Variants in CD247 observed in about 807,000 individuals in gnomAD.
CD247 encodes the protein T-cell surface glycoprotein CD3 zeta chain.
In CD247, 13 loss-of-function variants were observed where a neutral mutation model predicts 30.0. The observed-to-expected ratio is 0.43, with a 90% CI of 0.28 to 0.69. The LOEUF is 0.69. Among genes scored for constraint, CD247 ranks in the 30% least tolerant of loss-of-function variants. The pLI, the probability that CD247 is intolerant of heterozygous loss-of-function variation, is 0.16. For synonymous variants in CD247, 72 were observed against 80.0 expected, an observed-to-expected ratio of 0.90 and a Z score of 0.53; for missense variants, 193 against 212.6, an observed-to-expected ratio of 0.91 and a Z score of 0.57.
At chr1:167,446,302 T>C (rs185714076) in intron 1 of CD247, among the ~76,000 whole-genome samples, 2 of 152,176 alleles carry the variant, frequency 1.3e-5, no homozygotes, top group African/African-American at 4.8e-5. Context: ...ATAGTTTCAT[T>C]TGCACCTTTC....
intron 1 of CD247, among the ~76,000 whole-genome samples, chr1:167,517,875 G>A (rs35812352): frequency 0.011 from 1,675 of 152,208 alleles, 36 homozygotes; most frequent in African/African-American, 0.038. Context: ...CTCCTCCTTG[G>A]TTACCCCACT....
chr1:167,438,554 G>GT lies in CD247; in HGVS notation c.300+15dup. 1.4e-5 allele frequency: 23 copies of GT among 1,606,106 alleles called. No individual in the cohort carries two copies. The highest frequency in any genetic ancestry group is 1.9e-5 in the Non-Finnish European group (22 of 1,172,644). ...CACACATGCAGGAACACACAGGAAGGTAGAGGAACCCCTACCGGCTTTCCC... is the reference window on the plus strand; with the variant it reads ...CACACATGCAGGAACACACAGGAAGGTTAGAGGAACCCCTACCGGCTTTCCC... On this transcript the variant is annotated intron_variant, in intron 4 of 7. Coordinates refer to ENST00000362089, the MANE Select transcript of CD247 (RefSeq NM_198053.3).
chr1:167,446,250 C>A (rs556653730), intron 1 of CD247, among the ~76,000 whole-genome samples: 1 of 152,266 alleles, frequency 6.6e-6, no homozygotes, highest in South Asian at 2.1e-4. Flanking sequence ...CACTTCAAGT[C>A]CGCCCCCCAC....
At chr1:167,437,176 G>A (rs565171431) in intron 4 of CD247, among the ~76,000 whole-genome samples, 1 of 152,256 alleles carries the variant, frequency 6.6e-6, no homozygotes, top group South Asian at 2.1e-4. Context: ...GCTGAGGCGG[G>A]CAGATCACTT....
At chr1:167,461,998 T>C (rs1011433572) in intron 1 of CD247, among the ~76,000 whole-genome samples, 3 of 152,100 alleles carry the variant, frequency 2.0e-5, no homozygotes, top group African/African-American at 7.2e-5. Context: ...GTGTGCCTGA[T>C]AGGATGCTGG....
At chr1:167,454,929 A>G (rs911558304) in intron 1 of CD247, among the ~76,000 whole-genome samples, 5 of 152,206 alleles carry the variant, frequency 3.3e-5, no homozygotes, top group Non-Finnish European at 7.3e-5. Context: ...GCGCCTCCTC[A>G]GAGTCCCTGT....
At chr1:167,505,226 G>A (rs565662680) in intron 1 of CD247, among the ~76,000 whole-genome samples, 9 of 152,132 alleles carry the variant, frequency 5.9e-5, no homozygotes, top group Non-Finnish European at 1.2e-4. Context: ...GAACTCCTGG[G>A]CTCAAGCAAT....
At chr1:167,480,993 T>G (rs755812630) in intron 1 of CD247, among the ~76,000 whole-genome samples, 7 of 152,200 alleles carry the variant, frequency 4.6e-5, no homozygotes, top group Non-Finnish European at 8.8e-5. Flanking sequence ...CATTATCCAC[T>G]AAGAGGTGTT....
intron 1 of CD247, among the ~76,000 whole-genome samples, chr1:167,492,100 C>T (rs1654477791): frequency 6.6e-6 from 1 of 152,140 alleles, no homozygotes; most frequent in Non-Finnish European, 1.5e-5. Context: ...CAACTGTGCG[C>T]TTAAACATGG....
intron 4 of CD247, among the ~76,000 whole-genome samples, chr1:167,438,094 C>G (rs1056325653): frequency 1.3e-5 from 2 of 152,116 alleles, no homozygotes; most frequent in African/African-American, 4.8e-5. Context: ...CCCTACCCTA[C>G]TGTGGTGTCA....
chr1:167,517,884 C>G (rs1655683418), intron 1 of CD247, among the ~76,000 whole-genome samples: 2 of 152,220 alleles, frequency 1.3e-5, no homozygotes. Flanking sequence ...GGTTACCCCA[C>G]TTACTCCCGG....
intron 1 of CD247, among the ~76,000 whole-genome samples, chr1:167,449,149 C>CTTTTTTCTTTTTCTTTTTT (rs1553229954): frequency 3.0e-5 from 2 of 66,420 alleles, no homozygotes; most frequent in African/African-American, 1.5e-4. Context: ...TTTTTCTTTT[C>CTTTTTTCTTTTTCTTTTTT]TTTTTTTTTT....
chr1:167,444,021 T>C (rs994229105), intron 1 of CD247, among the ~76,000 whole-genome samples: 3 of 152,226 alleles, frequency 2.0e-5, no homozygotes, highest in African/African-American at 4.8e-5. Context: ...GAACTCTGGA[T>C]TGCGTGCAGG....
At chr1:167,510,291 A>G (rs1270208529) in intron 1 of CD247, among the ~76,000 whole-genome samples, 2 of 152,212 alleles carry the variant, frequency 1.3e-5, no homozygotes, top group Non-Finnish European at 2.9e-5. Context: ...ACACATGCAC[A>G]CCTGCACATG....
In CD247 at chr1:167,431,334, C is replaced by A. The variant is rs1651255633; in HGVS notation, c.*347G>T. ...GGGCATGTGCTAGCATCTGCGCTTTCTCTGGGGACTTTACAAAACAGACTC... is the reference window on the plus strand; with the variant it reads ...GGGCATGTGCTAGCATCTGCGCTTTATCTGGGGACTTTACAAAACAGACTC... On this transcript the variant is annotated 3_prime_UTR_variant, in exon 8 of 8. Coordinates refer to ENST00000362089, the MANE Select transcript of CD247 (RefSeq NM_198053.3). The A allele has an allele frequency of 3.4e-6, 2 of 592,274 alleles. No homozygotes were observed. Among genetic ancestry groups the A allele is most frequent in the Non-Finnish European group, 6.0e-6 (2 of 333,462 alleles). 36.7% of individuals were successfully genotyped at this position (592,274 alleles called of 1,614,324 possible). A position where few individuals can be genotyped will look rare whatever the true frequency, so the allele number is the denominator to read the frequency against.
In CD247 at chr1:167,434,254, G is replaced by T. The variant is rs1051493040; in HGVS notation, c.337-178C>A. 3 of 676,272 alleles carry T rather than the reference G, an allele frequency of 4.4e-6. No homozygotes were observed. In the African/African-American group the frequency reaches 5.3e-5, roughly 12 times the overall value. The allele number at this position is 676,272 out of a possible 1,614,324, so 41.9% of individuals were successfully genotyped here. A position where few individuals can be genotyped will look rare whatever the true frequency, so the allele number is the denominator to read the frequency against. ...ACTTCTCTGCCCACAACCAGCTCCA[G>T]CCCACCCCCCTCATCCTCAGCCCTT... On this transcript the variant is annotated intron_variant, in intron 5 of 7. Transcript: ENST00000362089.
At chr1:167,433,889 T>G in intron 6 of CD247, 131 bp downstream of exon 6, 1 of 867,364 alleles carries the variant, frequency 1.2e-6, no homozygotes, top group Non-Finnish European at 2.0e-6. Flanking sequence ...CAGGTTCGCC[T>G]TCACCTCTGA....
intron 1 of CD247, among the ~76,000 whole-genome samples, chr1:167,471,169 C>A (rs912810714): frequency 1.3e-5 from 2 of 152,112 alleles, no homozygotes; most frequent in African/African-American, 2.4e-5. Context: ...CTGCGCTCAG[C>A]GTGATTATTT....
At chr1:167,486,944 G>C (rs1288014268) in intron 1 of CD247, among the ~76,000 whole-genome samples, 1 of 151,410 alleles carries the variant, frequency 6.6e-6, no homozygotes, top group Non-Finnish European at 1.5e-5. Context: ...CGTGGTGGAG[G>C]GTGCCTGTAA....
Sources: gnomAD v4.1 joint callset for allele counts (sites outside exome capture counted in the v4.1 genomes callset) on GRCh38, gnomAD v4.1.1 for gene constraint, MANE v1.5 for transcripts, NCBI Gene and HGNC (gene_info 2026-07-23, HGNC 2026-07-21) for gene names.